DPP6: variants seen among roughly 807,000 people sequenced by gnomAD.
DPP6 encodes the protein dipeptidyl peptidase like 6, also known as A-type potassium channel modulatory protein DPP6.
In DPP6, 69 loss-of-function variants were observed where a neutral mutation model predicts 122.6. That is an observed-to-expected ratio of 0.56 (90% confidence interval 0.46 to 0.69). The LOEUF (loss-of-function observed/expected upper bound fraction) is 0.69, where lower values mean the gene tolerates loss of function less well. DPP6 is among the 30% of genes least tolerant of loss of function. The probability of loss-of-function intolerance (pLI) is 0.00; values close to 1 mark genes in which losing one functional copy is unlikely to be tolerated. For synonymous variants in DPP6, 418 were observed against 433.1 expected (o/e 0.97, Z 0.43); for missense variants, 928 against 1,116.9 (o/e 0.83, Z 2.41).
intron 4 of DPP6, among the ~76,000 whole-genome samples, chr7:154,559,180 G>A (rs1206662731): frequency 7.3e-6 from 1 of 137,018 alleles, no homozygotes; most frequent in African/African-American, 2.7e-5. Flanking sequence ...GATGATAAGA[G>A]AAATTAAAGA....
chr7:153,837,837 A>ATTTTTT, the DPP6 span, among the ~76,000 whole-genome samples: 316 of 80,626 alleles, frequency 3.9e-3, 20 homozygotes, highest in African/African-American at 0.015. Context: ...TGCCTGGTTA[A>ATTTTTT]TTTTTTTTTT....
intron 1 of DPP6, among the ~76,000 whole-genome samples, chr7:154,211,586 G>A (rs773172900): frequency 5.3e-5 from 8 of 152,150 alleles, no homozygotes; most frequent in African/African-American, 9.7e-5. Context: ...CACCAGTACC[G>A]GGGAAGAAAT....
At chr7:153,982,377 G>A (rs999276924) in intron 1 of DPP6, among the ~76,000 whole-genome samples, 3 of 151,718 alleles carry the variant, frequency 2.0e-5, no homozygotes, top group African/African-American at 7.3e-5. Context: ...TTCTTGTGCT[G>A]TGTTTTTCAG....
At chr7:154,463,799 A>G (rs949752307) in intron 2 of DPP6, among the ~76,000 whole-genome samples, 1 of 152,064 alleles carries the variant, frequency 6.6e-6, no homozygotes. Flanking sequence ...CTGGTGCTCT[A>G]TTCTACTGTG....
In DPP6 at chr7:154,264,868, G is replaced by T. The variant is rs541365179; in HGVS notation, c.244-181346G>T. On this transcript the variant is annotated intron_variant, in intron 1 of 25. Transcript: ENST00000377770. ...TAATGATGATAGTGATAATGATGGTGATCCTGATGATGGTGATAATGGTGA... is the reference window on the plus strand; with the variant it reads ...TAATGATGATAGTGATAATGATGGTTATCCTGATGATGGTGATAATGGTGA... Among the ~76,000 whole-genome samples, 257 of 150,848 alleles carry T rather than the reference G, an allele frequency of 1.7e-3. 5 individuals are homozygous for T. The Middle Eastern group carries it at 0.017, about 10-fold the overall frequency.
intron 5 of DPP6, among the ~76,000 whole-genome samples, chr7:154,572,577 C>T (rs563316479): frequency 3.9e-5 from 5 of 128,542 alleles, no homozygotes; most frequent in Non-Finnish European, 6.2e-5. Flanking sequence ...AGTGCAGTGG[C>T]GTGATCTCGA....
intron 1 of DPP6, among the ~76,000 whole-genome samples, chr7:154,243,364 A>C (rs1056611064): frequency 1.3e-5 from 2 of 152,204 alleles, no homozygotes; most frequent in African/African-American, 4.8e-5. Context: ...GGCAGTTATA[A>C]ATATAGCCAA....
intron 7 of DPP6, among the ~76,000 whole-genome samples, chr7:154,683,666 T>C (rs961229004): frequency 6.6e-6 from 1 of 152,136 alleles, no homozygotes; most frequent in Non-Finnish European, 1.5e-5. Context: ...TTCCACTGCC[T>C]TTAGGATAGA....
chr7:154,065,935 T>G (rs372575961), intron 1 of DPP6, among the ~76,000 whole-genome samples: 1,623 of 149,470 alleles, frequency 0.011, 15 homozygotes, highest in South Asian at 0.02. Flanking sequence ...CCTTAAGCAG[T>G]CCCAGAATAC....
At chr7:154,081,729 C>G (rs1406008187) in intron 1 of DPP6, among the ~76,000 whole-genome samples, 1 of 150,500 alleles carries the variant, frequency 6.6e-6, no homozygotes, top group Non-Finnish European at 1.5e-5. Flanking sequence ...CATTTAGAGA[C>G]ATGTCAAAAC....
At chr7:153,888,742 A>G (rs1799060389) in intron 1 of DPP6, among the ~76,000 whole-genome samples, 1 of 126,114 alleles carries the variant, frequency 7.9e-6, no homozygotes, top group Admixed American at 9.6e-5. Flanking sequence ...GCGACAGACA[A>G]GGAGATGGGG....
intron 1 of DPP6, among the ~76,000 whole-genome samples, chr7:154,302,066 T>G (rs1805946174): frequency 6.6e-6 from 1 of 152,138 alleles, no homozygotes; most frequent in Non-Finnish European, 1.5e-5. Flanking sequence ...ATCTACCCTC[T>G]TAACGGATTT....
At chr7:154,854,327 G>A (rs557854797) in intron 17 of DPP6, among the ~76,000 whole-genome samples, 38 of 152,314 alleles carry the variant, frequency 2.5e-4, no homozygotes, top group African/African-American at 9.1e-4. Flanking sequence ...CAGGACTGTT[G>A]TGAAAGGGGA....
the DPP6 span, among the ~76,000 whole-genome samples, chr7:153,818,769 C>T: frequency 1.3e-4 from 20 of 151,950 alleles, no homozygotes; most frequent in African/African-American, 4.4e-4. Flanking sequence ...TTCTTTTTCC[C>T]GAGACAGTGT....
At chr7:153,792,292 T>A in the DPP6 span, among the ~76,000 whole-genome samples, 1 of 152,232 alleles carries the variant, frequency 6.6e-6, no homozygotes, top group Non-Finnish European at 1.5e-5. Flanking sequence ...AGGACTTAGA[T>A]GGGAATTAGG....
chr7:154,671,669 A>C (rs545928435), intron 7 of DPP6, among the ~76,000 whole-genome samples: 10 of 152,278 alleles, frequency 6.6e-5, no homozygotes, highest in African/African-American at 2.4e-4. Context: ...GCATGCACAC[A>C]CTTTAGAATT....
intron 1 of DPP6, among the ~76,000 whole-genome samples, chr7:154,284,962 C>T (rs1209882345): frequency 6.6e-6 from 1 of 152,146 alleles, no homozygotes; most frequent in African/African-American, 2.4e-5. Context: ...GTTAGCTAAC[C>T]TCATAGAGAC....
At chr7:154,299,100 C>T (rs958259549) in intron 1 of DPP6, among the ~76,000 whole-genome samples, 1 of 152,182 alleles carries the variant, frequency 6.6e-6, no homozygotes, top group Non-Finnish European at 1.5e-5. Flanking sequence ...TGAGGTTTAC[C>T]AGTCTGTAAG....
In DPP6 at chr7:154,877,403, G is replaced by A. The variant is rs914399044; in HGVS notation, c.2078+1303G>A. ...AATGACTACAACAACACATGTGTGC[G>A]TGCACACACACACACACACACACAC... is the stretch of plus-strand genomic sequence containing the variant. On this transcript the variant is annotated intron_variant, in intron 20 of 25. Transcript: ENST00000377770. The surrounding 1 kb of genome is among the most constrained non-coding windows in gnomAD (Gnocchi z 5.2). Among the ~76,000 whole-genome samples, 3 of 118,056 alleles carry A rather than the reference G, an allele frequency of 2.5e-5. No homozygotes were observed. Among genetic ancestry groups the A allele is most frequent in the African/African-American group, 9.8e-5 (3 of 30,644 alleles). The allele number at this position is 118,056 out of a possible 152,430, so 77.4% of individuals were successfully genotyped here.
Sources: gnomAD v4.1 joint callset for allele counts (sites outside exome capture counted in the v4.1 genomes callset) on GRCh38, gnomAD v4.1.1 for gene constraint, Gnocchi (gnomAD v3.1) non-coding constraint, MANE v1.5 for transcripts, NCBI Gene and HGNC (gene_info 2026-07-23, HGNC 2026-07-21) for gene names.